The following FANK1 variants were observed in gnomAD, a reference collection of about 807,000 sequenced individuals.
FANK1 encodes the protein fibronectin type III and ankyrin repeat domains 1.
A neutral mutation model predicts 45.3 loss-of-function variants in FANK1; 44 were observed. That is an observed-to-expected ratio of 0.97 (90% CI 0.76 to 1.25). FANK1 has a LOEUF of 1.25. Ranked by LOEUF, FANK1 falls within the 50% of genes most tolerant of loss-of-function variation. FANK1 has a pLI of 0.00. For missense variants in FANK1, 391 were observed against 424.4 expected (o/e 0.92, Z 0.69); for synonymous variants, 149 against 152.5 (o/e 0.98, Z 0.17).
chr10:125,980,182 C>G lies in FANK1; in HGVS notation c.35C>G (p.Pro12Arg). The G allele has an allele frequency of 1.2e-6, 2 of 1,612,380 alleles. No individual in the cohort carries two copies. Among genetic ancestry groups the G allele is most frequent in the South Asian group, 1.1e-5 (1 of 90,390 alleles). ...TTAGAAATCATGCCACCCTCAAAGC[C>G]TCATCCACCTGTCGTGGGCAAAGTG... ...EPQKIMPPSK[P>R]HPPVVGKVTH... The change falls in exon 2 of 11, where the codon CCT (proline) becomes CGT (arginine). Residue 12 changes from proline to arginine, a missense_variant. Physicochemically the swap from Pro to Arg is moderately radical, Grantham distance 103. Transcript: ENST00000368693.
At chr10:125,947,961 C>T (rs1349772571) in intron 1 of FANK1, among the ~76,000 whole-genome samples, 1 of 149,994 alleles carries the variant, frequency 6.7e-6, no homozygotes, top group African/African-American at 2.5e-5. Context: ...TTAAGAATCT[C>T]ACTCAAAGCC....
intron 1 of FANK1, among the ~76,000 whole-genome samples, chr10:125,949,695 T>C (rs1949067467): frequency 6.8e-6 from 1 of 146,088 alleles, no homozygotes; most frequent in Non-Finnish European, 1.5e-5. Context: ...CTGCCCAAGG[T>C]AATTTACAGA....
At chr10:125,989,288 C>A in intron 3 of FANK1, 2 of 1,550,256 alleles carry the variant, frequency 1.3e-6, no homozygotes, top group South Asian at 1.2e-5. Context: ...AGGGCCATCT[C>A]TGAGCAAGAG....
intron 1 of FANK1, among the ~76,000 whole-genome samples, chr10:125,918,188 G>A (rs1325071161): frequency 1.3e-5 from 2 of 152,298 alleles, no homozygotes; most frequent in Admixed American, 1.3e-4. Flanking sequence ...TGATGAAAAT[G>A]TTCTGGAGAT....
intron 1 of FANK1, among the ~76,000 whole-genome samples, chr10:125,916,077 C>G (rs944864703): frequency 6.6e-6 from 1 of 151,934 alleles, no homozygotes; most frequent in East Asian, 1.9e-4. Context: ...GCTCTGTCAC[C>G]AGGCTGGAGT....
chr10:125,909,754 T>C (rs959771208), intron 1 of FANK1, among the ~76,000 whole-genome samples: 2 of 150,656 alleles, frequency 1.3e-5, no homozygotes, highest in African/African-American at 4.9e-5. Context: ...ATTGAAGTTC[T>C]GGCCTCAAGC....
At chr10:125,913,415 G>A (rs1946191310) in intron 1 of FANK1, among the ~76,000 whole-genome samples, 1 of 152,166 alleles carries the variant, frequency 6.6e-6, no homozygotes, top group Non-Finnish European at 1.5e-5. Context: ...GCGTGTTTAT[G>A]AAACAGACAG....
chr10:125,993,496 T>C (rs1952081828), intron 3 of FANK1, among the ~76,000 whole-genome samples: 1 of 152,222 alleles, frequency 6.6e-6, no homozygotes, highest in South Asian at 2.1e-4. Context: ...TGTGGTGTCC[T>C]GTGCACTTAT....
chr10:125,971,844 G>T (rs574098284), intron 1 of FANK1, among the ~76,000 whole-genome samples: 30 of 152,164 alleles, frequency 2.0e-4, no homozygotes, highest in African/African-American at 6.0e-4. Context: ...GGATGGTCTC[G>T]ATCTCGTGAC....
chr10:126,008,911 C>A, intron 8 of FANK1, 143 bp from the exon 9 acceptor site: 2 of 725,946 alleles, frequency 2.8e-6, no homozygotes, highest in South Asian at 1.8e-5. Context: ...AAGCGCTGTG[C>A]CTGCAGGCCA....
intron 3 of FANK1, chr10:125,994,630 A>G (rs1216383142): frequency 1.0e-6 from 1 of 985,262 alleles, no homozygotes; most frequent in African/African-American, 1.7e-5. Context: ...CTTAATTGTG[A>G]TACTTTTTAA....
At chr10:125,908,909 T>C (rs1945761860) in intron 1 of FANK1, among the ~76,000 whole-genome samples, 1 of 152,308 alleles carries the variant, frequency 6.6e-6, no homozygotes, top group East Asian at 1.9e-4. Context: ...AATAGCAAAC[T>C]AATATAGAGC....
intron 1 of FANK1, among the ~76,000 whole-genome samples, chr10:125,956,831 A>G (rs1949607160): frequency 6.6e-6 from 1 of 152,168 alleles, no homozygotes; most frequent in African/African-American, 2.4e-5. Context: ...TTTGTATAAT[A>G]AGGGCGAGTT....
At chr10:125,952,212 G>A (rs556946463) in intron 1 of FANK1, among the ~76,000 whole-genome samples, 14 of 151,998 alleles carry the variant, frequency 9.2e-5, no homozygotes, top group Admixed American at 2.6e-4. Flanking sequence ...AAAAAAAAGC[G>A]TGGTGTGTTT....
chr10:126,005,112 G>T, intron 7 of FANK1, 63 bp downstream of exon 7: 1 of 1,541,476 alleles, frequency 6.5e-7, no homozygotes, highest in Admixed American at 1.9e-5. Context: ...TGCTCCATGG[G>T]GTCTGGCAGA....
Position 125,901,485 on chromosome 10 carries a change from A to G in FANK1, c.13+4830A>G, listed in dbSNP as rs137908901. Among the ~76,000 whole-genome samples the G allele has an allele frequency of 2.6e-3, 398 of 152,264 alleles. 3 individuals are homozygous for G. Among genetic ancestry groups the G allele is most frequent in the African/African-American group, 8.6e-3 (358 of 41,538 alleles). On this transcript the variant is annotated intron_variant, in intron 1 of 10. Coordinates refer to ENST00000368693, the MANE Select transcript of FANK1 (RefSeq NM_145235.5). ...ATCAGATCATGTCACTCTCCTGCCAAAAGCCCTCCAAAGTCCTTACGTTGA... is the reference window on the plus strand; with the variant it reads ...ATCAGATCATGTCACTCTCCTGCCAGAAGCCCTCCAAAGTCCTTACGTTGA...
rs1437196181 is a variant in FANK1, at chr10:125,926,528, A to G, written c.13+29873A>G. 3.9e-5 allele frequency among the ~76,000 whole-genome samples: 6 copies of G among 152,418 alleles called. No individual in the cohort carries two copies. In the East Asian group the frequency reaches 1.2e-3, roughly 29 times the overall value. ...CTCTGTAACTTTATTTCAAGAACACATGTAAATGAAACCATACACTGTCTG... is the reference window on the plus strand; with the variant it reads ...CTCTGTAACTTTATTTCAAGAACACGTGTAAATGAAACCATACACTGTCTG... On this transcript the variant is annotated intron_variant, in intron 1 of 10. Coordinates refer to ENST00000368693, the MANE Select transcript of FANK1 (RefSeq NM_145235.5).
intron 1 of FANK1, among the ~76,000 whole-genome samples, chr10:125,923,736 C>G (rs1198186435): frequency 6.6e-6 from 1 of 152,030 alleles, no homozygotes; most frequent in African/African-American, 2.4e-5. Context: ...CCATGTTGCC[C>G]AGGCTGGTCT....
At chr10:125,999,951 G>A (rs2134224447) in intron 6 of FANK1, among the ~76,000 whole-genome samples, 1 of 152,194 alleles carries the variant, frequency 6.6e-6, no homozygotes, top group African/African-American at 2.4e-5. Flanking sequence ...GAAAAACTTA[G>A]ACTTAATAAG....
Sources: gnomAD v4.1 joint callset for allele counts (sites outside exome capture counted in the v4.1 genomes callset) on GRCh38, gnomAD v4.1.1 for gene constraint, MANE v1.5 for transcripts, NCBI Gene and HGNC (gene_info 2026-07-23, HGNC 2026-07-21) for gene names.